Variants in PTPRD observed in about 807,000 individuals in gnomAD.
PTPRD encodes the protein protein tyrosine phosphatase receptor type D, also known as receptor-type tyrosine-protein phosphatase delta.
Under a neutral mutation model 214.5 loss-of-function variants are expected in PTPRD, and 34 were observed. That is an observed-to-expected ratio of 0.16 (90% confidence interval 0.12 to 0.21). PTPRD has a LOEUF of 0.21. Ranked by LOEUF, PTPRD falls within the 10% of genes least tolerant of loss-of-function variation. The pLI, the probability that PTPRD is intolerant of heterozygous loss-of-function variation, is 1.00. For missense variants in PTPRD, 2,545 were observed against 2,398.7 expected (o/e 1.06, Z -1.27); for synonymous variants, 1,128 against 845.7 (o/e 1.33, Z -5.79).
intron 26 of PTPRD, among the ~76,000 whole-genome samples, chr9:8,494,985 T>C (rs966875702): frequency 1.3e-5 from 2 of 152,174 alleles, no homozygotes; most frequent in African/African-American, 2.4e-5. Context: ...CTGTTAAAAG[T>C]TGGCATACCT....
At chr9:9,601,727 G>A (rs2093783901) in intron 7 of PTPRD, among the ~76,000 whole-genome samples, 1 of 151,992 alleles carries the variant, frequency 6.6e-6, no homozygotes, top group African/African-American at 2.4e-5. Context: ...ATGTGCTTTT[G>A]AATAGAAAAG....
intron 5 of PTPRD, among the ~76,000 whole-genome samples, chr9:9,911,555 T>A (rs2079192734): frequency 6.6e-6 from 1 of 152,112 alleles, no homozygotes; most frequent in South Asian, 2.1e-4. Flanking sequence ...GTAAAATTTA[T>A]AATCATTTTA....
chr9:9,435,610 A>C (rs532778067), intron 8 of PTPRD, among the ~76,000 whole-genome samples: 2 of 152,142 alleles, frequency 1.3e-5, no homozygotes, highest in Non-Finnish European at 2.9e-5. Flanking sequence ...GGATTTTTCA[A>C]CTGCCTTTCA....
At chr9:9,040,228 G>A (rs1359306272) in intron 10 of PTPRD, among the ~76,000 whole-genome samples, 2 of 152,072 alleles carry the variant, frequency 1.3e-5, no homozygotes, top group Non-Finnish European at 2.9e-5. Flanking sequence ...ACAGTAATTT[G>A]TTAGCAAAAT....
chr9:9,383,241 C>G (rs2062863254), intron 9 of PTPRD, among the ~76,000 whole-genome samples: 1 of 151,932 alleles, frequency 6.6e-6, no homozygotes, highest in Non-Finnish European at 1.5e-5. Flanking sequence ...TCCCTAAAGA[C>G]AAGAAAATTG....
intron 3 of PTPRD, among the ~76,000 whole-genome samples, chr9:10,267,800 T>G (rs992042217): frequency 6.6e-6 from 1 of 152,192 alleles, no homozygotes. Flanking sequence ...AAATGCTGTA[T>G]ACATTTAATA....
intron 39 of PTPRD, among the ~76,000 whole-genome samples, chr9:8,374,983 G>GT (rs2082786191): frequency 1.3e-5 from 2 of 151,658 alleles, no homozygotes; most frequent in South Asian, 4.2e-4. Flanking sequence ...AGAGAGTGAT[G>GT]GTATTAAGTC....
intron 7 of PTPRD, among the ~76,000 whole-genome samples, chr9:9,661,617 A>T (rs1283868252): frequency 6.6e-6 from 1 of 151,888 alleles, no homozygotes; most frequent in Non-Finnish European, 1.5e-5. Flanking sequence ...TGCAAGCTTC[A>T]TAAAAACAAA....
intron 10 of PTPRD, among the ~76,000 whole-genome samples, chr9:9,168,239 C>T (rs2099907923): frequency 6.6e-6 from 1 of 152,144 alleles, no homozygotes; most frequent in Admixed American, 6.5e-5. Flanking sequence ...TAAAAGGTTA[C>T]TTACCCTTCT....
At chr9:9,079,567 C>T (rs1174500415) in intron 10 of PTPRD, among the ~76,000 whole-genome samples, 2 of 151,696 alleles carry the variant, frequency 1.3e-5, no homozygotes, top group South Asian at 4.1e-4. Flanking sequence ...TTTGAGGAAC[C>T]TTCATACTGT....
intron 11 of PTPRD, among the ~76,000 whole-genome samples, chr9:8,811,947 G>GGCT (rs1462531774): frequency 3.8e-4 from 57 of 150,036 alleles, no homozygotes; most frequent in Non-Finnish European, 7.9e-4. Context: ...GTGAAGATCT[G>GGCT]CACAGGGAAG....
chr9:8,683,943 C>G (rs190630421), intron 12 of PTPRD, among the ~76,000 whole-genome samples: 8 of 152,296 alleles, frequency 5.3e-5, no homozygotes, highest in African/African-American at 1.9e-4. Flanking sequence ...AGGGAGGTGT[C>G]TGAGGAGTCC....
At chr9:9,073,353 ACTT>A (rs1447213237) in intron 10 of PTPRD, among the ~76,000 whole-genome samples, 8 of 152,150 alleles carry the variant, frequency 5.3e-5, no homozygotes, top group Admixed American at 1.3e-4. Flanking sequence ...ACAATATGGG[ACTT>A]CTTTTTTTAA....
chr9:8,331,477 G>C lies in PTPRD; in HGVS notation c.5534+105C>G, dbSNP rs1347210726. 9 of 1,311,710 alleles carry C rather than the reference G, an allele frequency of 6.9e-6. No homozygotes were observed. In the South Asian group the frequency reaches 8.4e-5, roughly 12 times the overall value. 81.3% of individuals were successfully genotyped at this position (1,311,710 alleles called of 1,614,324 possible). On this transcript the variant is annotated intron_variant, in intron 44 of 45. Transcript: ENST00000381196. ...CCTGCTTTAAGTTTTGTAATACATT[G>C]CCAAGAATAAAATTTCAAATAAGCA...
chr9:10,347,955 G>A (rs2097116313), intron 2 of PTPRD, among the ~76,000 whole-genome samples: 1 of 151,962 alleles, frequency 6.6e-6, no homozygotes, highest in Non-Finnish European at 1.5e-5. Flanking sequence ...TATTCAGGAG[G>A]CTGAGGCAGG....
At chr9:8,555,384 G>C (rs1226718478) in intron 14 of PTPRD, among the ~76,000 whole-genome samples, 3 of 152,176 alleles carry the variant, frequency 2.0e-5, no homozygotes, top group African/African-American at 7.2e-5. Context: ...TCCAGCCTGG[G>C]CAACAGAGAA....
intron 2 of PTPRD, among the ~76,000 whole-genome samples, chr9:10,357,859 G>A (rs188731884): frequency 1.3e-5 from 2 of 152,272 alleles, no homozygotes; most frequent in Admixed American, 1.3e-4. Context: ...GGTCACTGGG[G>A]ACTTTTTGGT....
intron 2 of PTPRD, among the ~76,000 whole-genome samples, chr9:10,568,578 C>T (rs1006705922): frequency 6.6e-6 from 1 of 152,044 alleles, no homozygotes; most frequent in Non-Finnish European, 1.5e-5. Flanking sequence ...TTTACAGTCC[C>T]ACCAACAGTG....
chr9:10,345,061 T>C (rs188450874), intron 2 of PTPRD, among the ~76,000 whole-genome samples: 5 of 152,278 alleles, frequency 3.3e-5, no homozygotes, highest in Admixed American at 6.5e-5. Flanking sequence ...GTGAAGACTA[T>C]GGCTAAAAAA....
Sources: gnomAD v4.1 joint callset for allele counts (sites outside exome capture counted in the v4.1 genomes callset) on GRCh38, gnomAD v4.1.1 for gene constraint, MANE v1.5 for transcripts, NCBI Gene and HGNC (gene_info 2026-07-23, HGNC 2026-07-21) for gene names.